The following ADGRB1 variants were observed in gnomAD, a reference collection of about 807,000 sequenced individuals.
The protein encoded by ADGRB1 is adhesion G protein-coupled receptor B1.
ADGRB1 carries 36 observed loss-of-function variants against 175.7 expected under a neutral mutation model. The ratio of observed to expected loss-of-function variants is 0.20; its 90% CI spans 0.16 to 0.27. The LOEUF is 0.27. Ranked by LOEUF, ADGRB1 falls within the 10% of genes least tolerant of loss-of-function variation. ADGRB1 has a pLI of 1.00. For synonymous variants in ADGRB1, 1,054 were observed against 979.4 expected (o/e 1.08, Z -1.42); for missense variants, 1,731 against 2,255.3 (o/e 0.77, Z 4.71).
chr8:142,480,567 G>C (rs992431377), intron 9 of ADGRB1, among the ~76,000 whole-genome samples: 1 of 152,214 alleles, frequency 6.6e-6, no homozygotes, highest in Non-Finnish European at 1.5e-5. Flanking sequence ...AATGCCGCAC[G>C]GTGGCGTGCC....
rs927843615 is a variant in ADGRB1, at chr8:142,449,658, C to G, written c.-666C>G. 1 of 147,732 alleles carries G rather than the reference C, an allele frequency of 6.8e-6. No homozygotes were observed. Among genetic ancestry groups the G allele is most frequent in the African/African-American group, 2.5e-5 (1 of 40,260 alleles). 9.2% of individuals were successfully genotyped at this position (147,732 alleles called of 1,614,324 possible). Reference sequence around the variant, plus strand: ...GAAGGGGAAAAAAGGCGAGAAGAGCCGGGCAGGCGAGAGGAGCGGAGCGGC... The same window carrying G: ...GAAGGGGAAAAAAGGCGAGAAGAGCGGGGCAGGCGAGAGGAGCGGAGCGGC... On this transcript the variant is annotated 5_prime_UTR_variant, in exon 1 of 31. Transcript: ENST00000517894.
At chr8:142,502,648 T>C (rs965921233) in intron 17 of ADGRB1, among the ~76,000 whole-genome samples, 6 of 57,326 alleles carry the variant, frequency 1.0e-4, no homozygotes, top group Non-Finnish European at 6.3e-5. Flanking sequence ...ACGGTGGTGA[T>C]GGTGGTGATG....
intron 7 of ADGRB1, 41 bp from the exon 8 acceptor site, chr8:142,479,282 C>T (rs183890216): frequency 4.8e-6 from 7 of 1,450,574 alleles, no homozygotes; most frequent in Non-Finnish European, 5.4e-6. Context: ...GGACCCTGCC[C>T]TTCTTGTCGC....
Position 142,511,218 on chromosome 8 carries a change from C to A in ADGRB1, c.2817+145C>A. On this transcript the variant is annotated intron_variant, in intron 18 of 30. Coordinates refer to ENST00000517894, the MANE Select transcript of ADGRB1 (RefSeq NM_001702.3). The surrounding 1 kb of genome is among the most constrained non-coding windows in gnomAD (Gnocchi z 4.5). ...CCGCAGCCGCCGTGGCCTGGCCCGG[C>A]CGGCGGGGTCCATGCGCCTCTGGAG... is the stretch of plus-strand genomic sequence containing the variant. 4.4e-6 allele frequency: 3 copies of A among 678,336 alleles called. No individual in the cohort carries two copies. The highest frequency in any genetic ancestry group is 5.5e-6 in the Non-Finnish European group (3 of 545,336). 42.0% of individuals were successfully genotyped at this position (678,336 alleles called of 1,614,324 possible).
At chr8:142,458,882 C>T (rs1033959413) in intron 1 of ADGRB1, among the ~76,000 whole-genome samples, 7 of 152,196 alleles carry the variant, frequency 4.6e-5, no homozygotes, top group East Asian at 1.9e-4. Flanking sequence ...TTATCCAGGT[C>T]GAGATATGGA....
rs1398826826 is a variant in ADGRB1 at position 142,469,659 on chromosome 8, G to A, written c.784+4677G>A. 4.0e-5 allele frequency among the ~76,000 whole-genome samples: 6 copies of A among 151,572 alleles called. No individual in the cohort carries two copies. The East Asian group carries it at 1.2e-3, about 30-fold the overall frequency. On this transcript the variant is annotated intron_variant, in intron 2 of 30. Transcript: ENST00000517894. The stretch of plus-strand genomic sequence containing the variant: ...TATGTGCACGTGCGTGTGAACGCAA[G>A]TGCGTGTGTGTGCACGTGAATGTGT...
intron 16 of ADGRB1, 82 bp downstream of exon 16, chr8:142,489,520 CT>C: frequency 7.0e-7 from 1 of 1,425,468 alleles, no homozygotes. Context: ...GCCACTAAGC[CT>C]TTGGGGCCTC....
At chr8:142,452,259 A>G (rs1181532643) in intron 1 of ADGRB1, among the ~76,000 whole-genome samples, 1 of 152,174 alleles carries the variant, frequency 6.6e-6, no homozygotes, top group Non-Finnish European at 1.5e-5. Context: ...CGCGAAGCCC[A>G]GGGATGCGCC....
intron 27 of ADGRB1, among the ~76,000 whole-genome samples, chr8:142,540,597 A>T (rs1478011442): frequency 6.6e-6 from 1 of 152,194 alleles, no homozygotes; most frequent in Non-Finnish European, 1.5e-5. Flanking sequence ...ATTGTGCCCC[A>T]AGGTGGGTAC....
At position 142,464,100 on chromosome 8, in the gene ADGRB1, A is replaced by AC; in HGVS notation, c.-97dup. 5 of 280,362 alleles carry AC rather than the reference A, an allele frequency of 1.8e-5. No individual in the cohort carries two copies. Among genetic ancestry groups the AC allele is most frequent in the Non-Finnish European group, 1.5e-5 (3 of 204,814 alleles). 17.4% of individuals were successfully genotyped at this position (280,362 alleles called of 1,614,324 possible). A position where few individuals can be genotyped will look rare whatever the true frequency, so the allele number is the denominator to read the frequency against. On this transcript the variant is annotated 5_prime_UTR_variant, in exon 2 of 31. Transcript: ENST00000517894. ...ACCCTTGCCCCGCCTCCCTGCCCCC[A>AC]CCGGGCCGGCCCTGCCCGCCGCCGG... is the stretch of plus-strand genomic sequence containing the variant.
At position 142,504,711 on chromosome 8, in the gene ADGRB1, T is replaced by C. The variant is rs1419893484; in HGVS notation, c.2676-6221T>C. ...CCAGGCACTCCTGATGGATGAAGCA[T>C]GACTAAGGGGCTTGTACCTAGGGGT... On this transcript the variant is annotated intron_variant, in intron 17 of 30. Transcript: ENST00000517894. The surrounding 1 kb of genome is among the most constrained non-coding windows in gnomAD (Gnocchi z 5.6). Among the ~76,000 whole-genome samples the C allele has an allele frequency of 1.3e-5, 2 of 152,016 alleles. No individual in the cohort carries two copies. Among genetic ancestry groups the C allele is most frequent in the African/African-American group, 2.4e-5 (1 of 41,386 alleles).
chr8:142,484,969 C>T (rs940405382), intron 13 of ADGRB1, among the ~76,000 whole-genome samples: 10 of 152,206 alleles, frequency 6.6e-5, no homozygotes, highest in East Asian at 1.9e-4. Flanking sequence ...ACACAGCCCA[C>T]GGGGTGTGGA....
chr8:142,526,519 C>A, intron 23 of ADGRB1, 23 bp from the exon 24 acceptor site: 2 of 1,522,700 alleles, frequency 1.3e-6, no homozygotes, highest in Non-Finnish European at 1.8e-6. Context: ...ACCCCCACAC[C>A]CCCACCACTC....
intron 24 of ADGRB1, among the ~76,000 whole-genome samples, chr8:142,530,519 G>A (rs1036024315): frequency 6.6e-5 from 10 of 152,170 alleles, no homozygotes; most frequent in African/African-American, 2.4e-4. Context: ...AGGCACTAGG[G>A]GTCCAGGGTT....
intron 18 of ADGRB1, among the ~76,000 whole-genome samples, chr8:142,513,863 A>G (rs888531912): frequency 2.5e-4 from 38 of 152,122 alleles, no homozygotes; most frequent in Non-Finnish European, 3.4e-4. Context: ...GGAGAGGCAG[A>G]GAGACTGGTG....
chr8:142,477,912 G>T (rs1176063127), intron 6 of ADGRB1, among the ~76,000 whole-genome samples: 2 of 149,430 alleles, frequency 1.3e-5, no homozygotes, highest in African/African-American at 2.5e-5. Context: ...CCATGTCACA[G>T]GCTGGGTGTG....
chr8:142,536,914 T>C, intron 25 of ADGRB1, 73 bp from the exon 26 acceptor site: 1 of 1,318,316 alleles, frequency 7.6e-7, no homozygotes, highest in African/African-American at 1.5e-5. Context: ...CCACAGGTGC[T>C]GCTCATCTGA....
At chr8:142,528,508 G>A (rs963025411) in intron 24 of ADGRB1, among the ~76,000 whole-genome samples, 7 of 152,146 alleles carry the variant, frequency 4.6e-5, no homozygotes, top group African/African-American at 7.2e-5. Flanking sequence ...AGAGCAGGGC[G>A]CTTGCTTTCG....
At chr8:142,520,375 G>GTAC (rs1843728384) in intron 19 of ADGRB1, among the ~76,000 whole-genome samples, 1 of 57,680 alleles carries the variant, frequency 1.7e-5, no homozygotes. Context: ...GGTGATGGTG[G>GTAC]TGGTGGTGAT....
Sources: gnomAD v4.1 joint callset for allele counts (sites outside exome capture counted in the v4.1 genomes callset) on GRCh38, gnomAD v4.1.1 for gene constraint, Gnocchi (gnomAD v3.1) non-coding constraint, MANE v1.5 for transcripts, NCBI Gene and HGNC (gene_info 2026-07-23, HGNC 2026-07-21) for gene names.